The following FGF17 variants were observed in gnomAD, a reference collection of about 807,000 sequenced individuals.
FGF17 encodes fibroblast growth factor 17.
Under a neutral mutation model 23.5 loss-of-function variants are expected in FGF17, and 5 were observed. That is an observed-to-expected ratio of 0.21 (90% confidence interval 0.11 to 0.45). The LOEUF is 0.45. Among genes scored for constraint, FGF17 ranks in the 20% least tolerant of loss-of-function variants. FGF17 has a pLI of 0.99. For missense variants in FGF17, 221 were observed against 306.9 expected, an observed-to-expected ratio of 0.72 and a Z score of 2.09; for synonymous variants, 136 against 123.0, an observed-to-expected ratio of 1.11 and a Z score of -0.70.
At chr8:22,045,349 G>A in intron 2 of FGF17, 1 of 987,478 alleles carries the variant, frequency 1.0e-6, no homozygotes, top group Non-Finnish European at 1.2e-6. Context: ...TCTTGGTACT[G>A]CCTCTGCCTC....
upstream of FGF17, among the ~76,000 whole-genome samples, chr8:22,041,912 A>T (rs1327749827): frequency 6.6e-6 from 1 of 152,190 alleles, no homozygotes; most frequent in Non-Finnish European, 1.5e-5. Flanking sequence ...GGGACATGGG[A>T]CACAGGGAGG....
chr8:22,044,811 T>C, intron 2 of FGF17: 1 of 985,510 alleles, frequency 1.0e-6, no homozygotes, highest in Non-Finnish European at 1.2e-6. Context: ...AGCTGCTCCC[T>C]CACTCCCCCT....
chr8:22,044,703 G>A (rs900337074), intron 2 of FGF17: 7 of 985,670 alleles, frequency 7.1e-6, no homozygotes, highest in Non-Finnish European at 8.4e-6. Context: ...GTCTTGCAGA[G>A]GCTAGGCAGA....
upstream of FGF17, among the ~76,000 whole-genome samples, chr8:22,040,521 C>T (rs1226412513): frequency 6.6e-6 from 1 of 152,188 alleles, no homozygotes; most frequent in Admixed American, 6.5e-5. Flanking sequence ...CAGCCATGCC[C>T]AGAGCTAACC....
rs559750337 is a variant in FGF17 at position 22,047,659 on chromosome 8, G to A, written c.358-297G>A. Among the ~76,000 whole-genome samples, 11 of 152,340 alleles carry A rather than the reference G, an allele frequency of 7.2e-5. No homozygotes were observed. The South Asian group carries it at 2.3e-3, about 32-fold the overall frequency. On this transcript the variant is annotated intron_variant, in intron 4 of 4. Transcript: ENST00000359441. Reference sequence around the variant, plus strand: ...ATGAGCATTTCAGTGCTAAGGGCCCGTGCATGCTGGGAAATGCCGCAGGTC... The same window carrying A: ...ATGAGCATTTCAGTGCTAAGGGCCCATGCATGCTGGGAAATGCCGCAGGTC...
At position 22,046,641 on chromosome 8, in the gene FGF17, T is replaced by C; in HGVS notation, c.357+8T>C. ...GGCAAGCTCATCGGGAAGGTGAGGC[T>C]GGGAGACTGGGAAGTAACAGAGAAT... On this transcript the variant is annotated splice_region_variant and intron_variant, in intron 4 of 4. Coordinates refer to ENST00000359441, the MANE Select transcript of FGF17 (RefSeq NM_003867.4). 1 of 1,586,052 alleles carries C rather than the reference T, an allele frequency of 6.3e-7. No individual in the cohort carries two copies. Among genetic ancestry groups the C allele is most frequent in the Non-Finnish European group, 8.7e-7 (1 of 1,154,646 alleles).
At chr8:22,043,253 G>T (rs546244986) in intron 2 of FGF17, 72 bp downstream of exon 2, 2 of 1,476,378 alleles carry the variant, frequency 1.4e-6, no homozygotes, top group East Asian at 2.3e-5. Context: ...GCAAGGGACC[G>T]GCTCCTTTCA....
chr8:22,045,227 G>A (rs1027154805), intron 2 of FGF17: 12 of 985,470 alleles, frequency 1.2e-5, no homozygotes, highest in Non-Finnish European at 1.3e-5. Context: ...ACCCAAAGGG[G>A]AAGCAGGTGG....
At chr8:22,045,474 GGGGGCAAGGCC>G (rs1264328762) in intron 2 of FGF17, 22 of 990,446 alleles carry the variant, frequency 2.2e-5, no homozygotes, top group Non-Finnish European at 2.6e-5. Flanking sequence ...CTGAGCACCA[GGGGGCAAGGCC>G]GGGAAGAAGA....
At chr8:22,041,145 A>G (rs1800730820), upstream of FGF17, among the ~76,000 whole-genome samples, 1 of 152,134 alleles carries the variant, frequency 6.6e-6, no homozygotes, top group African/African-American at 2.4e-5. Flanking sequence ...GTTGCATTCC[A>G]AAACCCTGGA....
intron 4 of FGF17, among the ~76,000 whole-genome samples, chr8:22,047,639 C>T (rs1800951127): frequency 1.3e-5 from 2 of 152,216 alleles, no homozygotes; most frequent in Non-Finnish European, 2.9e-5. Flanking sequence ...GCTGCATGAG[C>T]ATTTCAGTGC....
At chr8:22,044,281 G>GA (rs1437936705) in intron 2 of FGF17, among the ~76,000 whole-genome samples, 3 of 152,106 alleles carry the variant, frequency 2.0e-5, no homozygotes, top group Non-Finnish European at 4.4e-5. Context: ...ACCCCCCTGG[G>GA]AGGGGGGGCC....
chr8:22,047,813 C>T (rs1389175236), intron 4 of FGF17, 143 bp from the exon 5 acceptor site: 14 of 730,554 alleles, frequency 1.9e-5, no homozygotes, highest in Admixed American at 8.8e-5. Flanking sequence ...AATAGGATGC[C>T]ATCTCACCAG....
rs1289585522 is a variant in FGF17, at chr8:22,046,194, G to T, written c.153G>T (p.Gln51His). ...TGACCGACCAGCTGAGCAGGCGGCA[G>T]ATCCGCGAGTACCAACTCTACAGCA... The part of the protein sequence containing the change: ...GAMTDQLSRR[Q>H]IREYQLYSRT... Residue 51 changes from glutamine (Q) to histidine (H), a missense_variant, in exon 3 of 5, where the codon CAG (glutamine) becomes CAT (histidine). Around this residue, in one of 3 missense-constraint regions of FGF17, gnomAD observed 58 missense variants for 121.0 expected, o/e 0.48. Transcript: ENST00000359441. 1.1e-5 allele frequency: 18 copies of T among 1,614,126 alleles called. No homozygotes were observed. The highest frequency in any genetic ancestry group is 1.5e-5 in the Non-Finnish European group (18 of 1,180,056).
At chr8:22,039,820 T>G (rs1800712520), upstream of FGF17, among the ~76,000 whole-genome samples, 1 of 152,142 alleles carries the variant, frequency 6.6e-6, no homozygotes. Flanking sequence ...CCCCAACTCT[T>G]CTGTTTTTCA....
chr8:22,044,277 C>G (rs1197477937), intron 2 of FGF17, among the ~76,000 whole-genome samples: 1 of 152,110 alleles, frequency 6.6e-6, no homozygotes, highest in Non-Finnish European at 1.5e-5. Context: ...CCTCACCCCC[C>G]TGGGAGGGGG....
At chr8:22,040,604 C>G (rs1488099695), upstream of FGF17, among the ~76,000 whole-genome samples, 1 of 152,266 alleles carries the variant, frequency 6.6e-6, no homozygotes, top group African/African-American at 2.4e-5. Flanking sequence ...GGCCTGAGGG[C>G]TGGGCCAGTG....
In FGF17 at chr8:22,048,136, C is replaced by G. The variant is rs1248928080; in HGVS notation, c.538C>G (p.Gln180Glu). The change falls in exon 5 of 5, where the codon CAA (glutamine) becomes GAA (glutamate). Residue 180 changes from glutamine to glutamate, a missense_variant. Gln to Glu is a conservative substitution (Grantham distance 29, BLOSUM62 2). Coordinates refer to ENST00000359441, the MANE Select transcript of FGF17 (RefSeq NM_003867.4). This position sits in a 1 kb window ranked among gnomAD's most constrained non-coding sequence, Gnocchi z 6.9. ...GGCCCACTTCATCAAGCGCCTCTAC[C>G]AAGGCCAGCTGCCCTTCCCCAACCA... is the stretch of plus-strand genomic sequence containing the variant. ...REAHFIKRLY[Q>E]GQLPFPNHAE... is the part of the protein sequence containing the mutation. The G allele has an allele frequency of 1.1e-5, 17 of 1,613,358 alleles. No homozygotes were observed. The South Asian group carries it at 1.8e-4, about 17-fold the overall frequency.
Position 22,048,451 on chromosome 8 carries a change from G to A in FGF17, c.*202G>A, listed in dbSNP as rs1192828595. 1 of 597,932 alleles carries A rather than the reference G, an allele frequency of 1.7e-6. No homozygotes were observed. The highest frequency in any genetic ancestry group is 3.0e-5 in the Admixed American group (1 of 33,548). The allele number at this position is 597,932 out of a possible 1,614,324, so 37.0% of individuals were successfully genotyped here. On this transcript the variant is annotated 3_prime_UTR_variant, in exon 5 of 5. Coordinates refer to ENST00000359441, the MANE Select transcript of FGF17 (RefSeq NM_003867.4). The surrounding 1 kb of genome is among the most constrained non-coding windows in gnomAD (Gnocchi z 6.9). ...TGGCACAGTGCCCCCTTCCCGGACG[G>A]GTGGCAGGCCCTGGAGAGGAACTGA...
Sources: allele counts gnomAD v4.1 joint callset (sites outside exome capture counted in the v4.1 genomes callset), GRCh38; gene constraint gnomAD v4.1.1; regional missense constraint gnomAD v4.1.1; non-coding constraint Gnocchi (gnomAD v3.1); transcripts MANE v1.5; gene names NCBI Gene and HGNC (gene_info 2026-07-23, HGNC 2026-07-21).